The following EBF1 variants were observed in gnomAD, a reference collection of about 807,000 sequenced individuals.
EBF1 encodes transcription factor COE1.
A neutral mutation model predicts 68.4 loss-of-function variants in EBF1; 10 were observed. The observed-to-expected ratio is 0.15, with a 90% CI of 0.09 to 0.25. The LOEUF (loss-of-function observed/expected upper bound fraction) is 0.25. Among genes scored for constraint, EBF1 ranks in the 10% least tolerant of loss-of-function variants. EBF1 has a pLI of 1.00. For synonymous variants in EBF1, 298 were observed against 299.8 expected, an observed-to-expected ratio of 0.99 and a Z score of 0.06; for missense variants, 509 against 794.4, an observed-to-expected ratio of 0.64 and a Z score of 4.32.
chr5:158,818,488 C>G (rs901555004), intron 8 of EBF1, among the ~76,000 whole-genome samples: 11 of 152,128 alleles, frequency 7.2e-5, no homozygotes, highest in African/African-American at 2.7e-4. Flanking sequence ...GACACTGCAA[C>G]CAAAAGGTCA....
In EBF1 at chr5:158,798,758, A is replaced by T. The variant is rs1348715489; in HGVS notation, c.779-2283T>A. Among the ~76,000 whole-genome samples, 4 of 152,204 alleles carry T rather than the reference A, an allele frequency of 2.6e-5. No individual in the cohort carries two copies. In the East Asian group the frequency reaches 7.7e-4, roughly 29 times the overall value. On this transcript the variant is annotated intron_variant, in intron 8 of 15. Coordinates refer to ENST00000313708, the MANE Select transcript of EBF1 (RefSeq NM_024007.5). Reference sequence around the variant, plus strand: ...CAATGCCTCAGAGGCAAGAAAGAGCATCAAGCTTCCAGAGATAACCAGGTG... The same window carrying T: ...CAATGCCTCAGAGGCAAGAAAGAGCTTCAAGCTTCCAGAGATAACCAGGTG...
At chr5:159,073,494 C>G in intron 5 of EBF1, 30 bp from the exon 6 acceptor site, 1 of 1,612,482 alleles carries the variant, frequency 6.2e-7, no homozygotes, top group Non-Finnish European at 8.5e-7. Context: ...GGATTTAGTA[C>G]AACCATTACA....
chr5:158,991,375 C>T (rs1185632728), intron 6 of EBF1, among the ~76,000 whole-genome samples: 1 of 152,146 alleles, frequency 6.6e-6, no homozygotes, highest in Admixed American at 6.5e-5. Context: ...AATCACAAAA[C>T]AGCTTTAGAC....
intron 11 of EBF1, among the ~76,000 whole-genome samples, chr5:158,729,723 A>C (rs1168402914): frequency 6.6e-6 from 1 of 152,246 alleles, no homozygotes; most frequent in Non-Finnish European, 1.5e-5. Flanking sequence ...ACAGCACTTC[A>C]GTGGAAGTGA....
chr5:158,832,255 A>T (rs1455749202), intron 7 of EBF1, among the ~76,000 whole-genome samples: 1 of 152,258 alleles, frequency 6.6e-6, no homozygotes. Context: ...GCGACCACTC[A>T]TCAAATGCTG....
intron 15 of EBF1, among the ~76,000 whole-genome samples, chr5:158,700,796 GC>G: frequency 6.6e-6 from 1 of 152,230 alleles, no homozygotes; most frequent in Non-Finnish European, 1.5e-5. Flanking sequence ...CCTTTTTGCA[GC>G]CCAAAAGCTC....
chr5:159,033,843 C>T (rs1412729632), intron 6 of EBF1, among the ~76,000 whole-genome samples: 1 of 152,002 alleles, frequency 6.6e-6, no homozygotes, highest in African/African-American at 2.4e-5. Flanking sequence ...CTCTTTAAGA[C>T]CAAAAAAGTC....
intron 11 of EBF1, among the ~76,000 whole-genome samples, chr5:158,717,920 G>A (rs1761107015): frequency 6.6e-6 from 1 of 152,142 alleles, no homozygotes; most frequent in African/African-American, 2.4e-5. Context: ...TGTGAGTGGG[G>A]TTCTATGGAG....
In EBF1 at chr5:159,087,516, G is replaced by T. The variant is rs1406818261; in HGVS notation, c.412-2777C>A. 7.3e-5 allele frequency among the ~76,000 whole-genome samples: 11 copies of T among 151,374 alleles called. No homozygotes were observed. In the Admixed American group the frequency reaches 7.3e-4, roughly 10 times the overall value. Reference sequence around the variant, plus strand: ...AAAGCTTGGTTTTTGGAGGCAGGGGGAATTATCAGTTACATCAGATCTTTT... The same window carrying T: ...AAAGCTTGGTTTTTGGAGGCAGGGGTAATTATCAGTTACATCAGATCTTTT... On this transcript the variant is annotated intron_variant, in intron 4 of 15. Coordinates refer to ENST00000313708, the MANE Select transcript of EBF1 (RefSeq NM_024007.5).
intron 7 of EBF1, among the ~76,000 whole-genome samples, chr5:158,839,628 C>T (rs1789711092): frequency 6.6e-6 from 1 of 152,214 alleles, no homozygotes; most frequent in Non-Finnish European, 1.5e-5. Context: ...AACAATCTGC[C>T]TACCTTAGCC....
intron 6 of EBF1, among the ~76,000 whole-genome samples, chr5:158,979,610 A>C (rs1757499798): frequency 6.6e-6 from 1 of 152,122 alleles, no homozygotes; most frequent in East Asian, 1.9e-4. Flanking sequence ...TCAAATATAC[A>C]TGAGAATAAG....
intron 6 of EBF1, among the ~76,000 whole-genome samples, chr5:158,869,125 AG>A (rs1245994311): frequency 2.0e-5 from 3 of 152,138 alleles, no homozygotes; most frequent in Non-Finnish European, 1.5e-5. Context: ...TGTGTGTAAA[AG>A]TAAGGCAAAA....
intron 6 of EBF1, among the ~76,000 whole-genome samples, chr5:158,889,537 T>G (rs1275161072): frequency 1.3e-5 from 2 of 152,142 alleles, no homozygotes; most frequent in African/African-American, 2.4e-5. Flanking sequence ...TAAGTACATC[T>G]AAGTTATTTA....
chr5:158,831,087 C>G (rs1787451859), intron 7 of EBF1, among the ~76,000 whole-genome samples: 1 of 152,174 alleles, frequency 6.6e-6, no homozygotes, highest in Admixed American at 6.5e-5. Flanking sequence ...TCATTCCTCC[C>G]TCTGTGGATC....
intron 6 of EBF1, among the ~76,000 whole-genome samples, chr5:159,056,860 T>C (rs958194037): frequency 1.3e-5 from 2 of 152,136 alleles, no homozygotes; most frequent in African/African-American, 4.8e-5. Context: ...TGGTAAGACA[T>C]CTGGAATAGA....
At chr5:159,077,745 CT>C (rs58717165) in intron 5 of EBF1, among the ~76,000 whole-genome samples, 3,235 of 80,544 alleles carry the variant, frequency 0.04, 18 homozygotes, top group African/African-American at 0.11. Flanking sequence ...CAGTGGTTTG[CT>C]TTTTTTTTTT....
chr5:158,936,493 C>A (rs907839376), intron 6 of EBF1, among the ~76,000 whole-genome samples: 6 of 152,190 alleles, frequency 3.9e-5, no homozygotes, highest in African/African-American at 1.4e-4. Context: ...AGCACATTGC[C>A]TGGCACATAT....
intron 9 of EBF1, among the ~76,000 whole-genome samples, chr5:158,791,058 T>A (rs1051993357): frequency 6.6e-6 from 1 of 152,138 alleles, no homozygotes; most frequent in Admixed American, 6.5e-5. Flanking sequence ...CAGTCACTCA[T>A]GCCTGTAATC....
Position 158,735,373 on chromosome 5 carries a change from G to A in EBF1, c.1037-4216C>T, listed in dbSNP as rs185063241. ...GAGGGGCCACAGCAATTGAATTCAA[G>A]CTGTCTTCCACTGACCCCTTCAAAC... On this transcript the variant is annotated intron_variant, in intron 10 of 15. Coordinates refer to ENST00000313708, the MANE Select transcript of EBF1 (RefSeq NM_024007.5). Among the ~76,000 whole-genome samples the A allele has an allele frequency of 1.9e-3, 284 of 152,300 alleles. 2 individuals are homozygous for A. Among genetic ancestry groups the A allele is most frequent in the African/African-American group, 6.6e-3 (276 of 41,562 alleles).
Sources: allele counts gnomAD v4.1 joint callset (sites outside exome capture counted in the v4.1 genomes callset), GRCh38; gene constraint gnomAD v4.1.1; transcripts MANE v1.5; gene names NCBI Gene and HGNC (gene_info 2026-07-23, HGNC 2026-07-21).